LYST: variants seen among roughly 807,000 people sequenced by gnomAD.
LYST encodes lysosomal trafficking regulator, also known as lysosomal-trafficking regulator.
In LYST, 192 loss-of-function variants were observed where a neutral mutation model predicts 413.6. That is an observed-to-expected ratio of 0.46 (90% confidence interval 0.41 to 0.52). LYST has a LOEUF of 0.52. Ranked by LOEUF, LYST falls within the 20% of genes least tolerant of loss-of-function variation. LYST has a pLI of 0.00. For missense variants in LYST, 3,815 were observed against 4,499.9 expected (o/e 0.85, Z 4.35); for synonymous variants, 1,525 against 1,567.3 (o/e 0.97, Z 0.64).
At chr1:235,690,764 T>C (rs1660578874) in intron 47 of LYST, among the ~76,000 whole-genome samples, 1 of 152,118 alleles carries the variant, frequency 6.6e-6, no homozygotes, top group East Asian at 1.9e-4. Context: ...GCAGCAGGTG[T>C]TATGCAGGTA....
At chr1:235,805,594 AAAGT>A (rs1055913059) in intron 6 of LYST, 145 bp downstream of exon 6, 134 of 267,086 alleles carry the variant, frequency 5.0e-4, no homozygotes, top group African/African-American at 2.5e-3. Context: ...CACATATATA[AAAGT>A]AATATATTAT....
chr1:235,831,702 A>C (rs903653705), intron 2 of LYST, among the ~76,000 whole-genome samples: 3 of 152,170 alleles, frequency 2.0e-5, no homozygotes, highest in Admixed American at 2.0e-4. Flanking sequence ...TATTTTTAAT[A>C]TTTTTGAATA....
chr1:235,849,817 A>G (rs1316788287), intron 1 of LYST, among the ~76,000 whole-genome samples: 1 of 151,568 alleles, frequency 6.6e-6, no homozygotes, highest in African/African-American at 2.4e-5. Context: ...GACACCTAAC[A>G]AAGGAATTGA....
At chr1:235,666,921 G>A (rs755822869) in intron 50 of LYST, among the ~76,000 whole-genome samples, 14 of 152,214 alleles carry the variant, frequency 9.2e-5, no homozygotes, top group Non-Finnish European at 1.8e-4. Context: ...GTAACCCATA[G>A]CTACCACTAC....
chr1:235,869,542 G>T (rs1183966942), upstream of LYST, among the ~76,000 whole-genome samples: 1 of 152,186 alleles, frequency 6.6e-6, no homozygotes, highest in Non-Finnish European at 1.5e-5. Flanking sequence ...TTTTAAGCAG[G>T]AAAGTCTTCA....
At position 235,805,782 on chromosome 1, in the gene LYST, T is replaced by G; in HGVS notation, c.3354A>C (p.Arg1118Ser). The stretch of plus-strand genomic sequence containing the variant: ...CCAATTCCATCTTCTGTTGACTAGT[T>G]CTGGCACCATGAAGACAAATGGCCA... ...ALLAICLHGARTSQQKMELEL... is the reference protein window; with the variant it reads ...ALLAICLHGASTSQQKMELEL... The change falls in exon 6 of 53, where the codon AGA (arginine) becomes AGC (serine). Residue 1118 changes from arginine to serine, a missense_variant. Coordinates refer to ENST00000389793, the MANE Select transcript of LYST (RefSeq NM_000081.4). 1 of 1,613,622 alleles carries G rather than the reference T, an allele frequency of 6.2e-7. No homozygotes were observed. The highest frequency in any genetic ancestry group is 1.1e-5 in the South Asian group (1 of 91,072).
chr1:235,663,893 AT>A, intron 52 of LYST, 90 bp downstream of exon 52: 1 of 1,135,778 alleles, frequency 8.8e-7, no homozygotes, highest in Non-Finnish European at 1.3e-6. Flanking sequence ...TCAATTGCAC[AT>A]TTCTTTAAGT....
rs529004618 is a variant in LYST, at chr1:235,777,067, G to A, written c.5456C>T (p.Ala1819Val). ...GGTGIFVFLF[A>V]RVVELSSCEE... ...ACTATAAGCAGTGATTCTTACCCTGGCAAAGAGAAAAACAAATATGCCAGT... is the reference window on the plus strand; with the variant it reads ...ACTATAAGCAGTGATTCTTACCCTGACAAAGAGAAAAACAAATATGCCAGT... The change falls in exon 17 of 53, where the codon GCC becomes GTC. Residue 1819 changes from alanine (A) to valine (V), a missense_variant. By Grantham distance (64) the Ala-to-Val change is moderately conservative. Transcript: ENST00000389793. 9.9e-6 allele frequency: 16 copies of A among 1,612,904 alleles called. No individual in the cohort carries two copies. The African/African-American group carries it at 2.1e-4, about 22-fold the overall frequency.
At chr1:235,868,061 T>A (rs1276835482), upstream of LYST, among the ~76,000 whole-genome samples, 1 of 152,168 alleles carries the variant, frequency 6.6e-6, no homozygotes, top group African/African-American at 2.4e-5. Flanking sequence ...TGGGGAAAAT[T>A]CCCCACTTTA....
chr1:235,872,745 T>A (rs1680990837), intron 1 of LYST, among the ~76,000 whole-genome samples: 1 of 151,984 alleles, frequency 6.6e-6, no homozygotes, highest in South Asian at 2.1e-4. Context: ...TGAAACCCCA[T>A]CTCTACTAAA....
chr1:235,846,258 C>A (rs1572439078), intron 1 of LYST, among the ~76,000 whole-genome samples: 1 of 152,052 alleles, frequency 6.6e-6, no homozygotes, highest in East Asian at 1.9e-4. Flanking sequence ...GGTGGCTAGA[C>A]CCAGAAGAGA....
At chr1:235,808,039 A>G (rs1673058450) in intron 5 of LYST, among the ~76,000 whole-genome samples, 1 of 152,196 alleles carries the variant, frequency 6.6e-6, no homozygotes, top group South Asian at 2.1e-4. Context: ...TCAATGGCCA[A>G]TAATATTCTA....
intron 28 of LYST, among the ~76,000 whole-genome samples, chr1:235,750,672 AC>A (rs1666400421): frequency 6.6e-6 from 1 of 152,180 alleles, no homozygotes; most frequent in Non-Finnish European, 1.5e-5. Flanking sequence ...AGGAAGACTA[AC>A]AATATTAATG....
Position 235,755,523 on chromosome 1 carries a change from C to G in LYST, c.7184G>C (p.Cys2395Ser), listed in dbSNP as rs760878646. 2 of 1,613,820 alleles carry G rather than the reference C, an allele frequency of 1.2e-6. No individual in the cohort carries two copies. Among genetic ancestry groups the G allele is most frequent in the Non-Finnish European group, 1.7e-6 (2 of 1,179,700 alleles). Residue 2395 changes from cysteine to serine, a missense_variant, in exon 25 of 53, where the codon TGC (cysteine) becomes TCC (serine). By Grantham distance (112) the Cys-to-Ser change is moderately radical. Transcript: ENST00000389793. ...TCGACCAAAGAACATTTCGATGAAG[C>G]ATTCTAACAATTCTTGAGTTCCTCG... is the stretch of plus-strand genomic sequence containing the variant. ...LHRGTQELLE[C>S]FIEMFFGRHI...
intron 36 of LYST, among the ~76,000 whole-genome samples, chr1:235,730,457 A>G (rs1222478960): frequency 6.6e-6 from 1 of 151,928 alleles, no homozygotes; most frequent in Non-Finnish European, 1.5e-5. Flanking sequence ...AGCTCTATCT[A>G]TATTAATAGA....
intron 42 of LYST, 168 bp from the exon 43 acceptor site, chr1:235,712,365 TA>T: frequency 5.2e-6 from 3 of 576,086 alleles, no homozygotes; most frequent in Non-Finnish European, 8.9e-6. Context: ...AATATTTCTA[TA>T]AACTTGAGAT....
At chr1:235,717,413 A>G (rs1662940921) in intron 40 of LYST, among the ~76,000 whole-genome samples, 1 of 152,222 alleles carries the variant, frequency 6.6e-6, no homozygotes, top group Non-Finnish European at 1.5e-5. Flanking sequence ...CATTCTGTGA[A>G]CACCACATGA....
intron 50 of LYST, among the ~76,000 whole-genome samples, chr1:235,670,730 G>A (rs549639286): frequency 6.6e-6 from 1 of 152,208 alleles, no homozygotes; most frequent in East Asian, 1.9e-4. Flanking sequence ...TGAATGAGAT[G>A]CACAATTAAG....
intron 1 of LYST, among the ~76,000 whole-genome samples, chr1:235,838,511 GTATA>G (rs1676822425): frequency 6.6e-6 from 1 of 152,170 alleles, no homozygotes; most frequent in African/African-American, 2.4e-5. Context: ...TTTTCTTTAA[GTATA>G]ATATTTGAAA....
Sources: allele counts gnomAD v4.1 joint callset (sites outside exome capture counted in the v4.1 genomes callset), GRCh38; gene constraint gnomAD v4.1.1; transcripts MANE v1.5; gene names NCBI Gene and HGNC (gene_info 2026-07-23, HGNC 2026-07-21).